Variants in SLC44A1 observed in about 807,000 individuals in gnomAD.
The protein encoded by SLC44A1 is choline transporter-like protein 1.
SLC44A1 carries 26 observed loss-of-function variants against 79.3 expected under a neutral mutation model. That is an observed-to-expected ratio of 0.33 (90% CI 0.24 to 0.46). The LOEUF (loss-of-function observed/expected upper bound fraction) is 0.46, where lower values mean the gene tolerates loss of function less well. SLC44A1 is among the 20% of genes least tolerant of loss of function. The probability of loss-of-function intolerance (pLI) is 1.00; values close to 1 mark genes in which losing one functional copy is unlikely to be tolerated. For missense variants in SLC44A1, 688 were observed against 798.1 expected, an observed-to-expected ratio of 0.86 and a Z score of 1.66; for synonymous variants, 263 against 286.2, an observed-to-expected ratio of 0.92 and a Z score of 0.82.
chr9:105,324,250 A>ATT lies in SLC44A1; in HGVS notation c.270-11297_270-11296dup, dbSNP rs35532819. On this transcript the variant is annotated intron_variant, in intron 3 of 15. Transcript: ENST00000374720. Reference sequence around the variant, plus strand: ...ACAGGCGTGATTCACCGTGCCCGGAATTTTTTTTTTTTTTTTTAAAGACAG... The same window carrying ATT: ...ACAGGCGTGATTCACCGTGCCCGGAATTTTTTTTTTTTTTTTTTTAAAGACAG... Among the ~76,000 whole-genome samples, 229 of 132,632 alleles carry ATT rather than the reference A, an allele frequency of 1.7e-3. 3 individuals carry two copies. The highest frequency in any genetic ancestry group is 1.8e-3 in the Non-Finnish European group (112 of 61,834). 87.0% of individuals were successfully genotyped at this position (132,632 alleles called of 152,430 possible). A position where few individuals can be genotyped will look rare whatever the true frequency, so the allele number is the denominator to read the frequency against.
At chr9:105,339,311 G>A (rs1827018751) in intron 4 of SLC44A1, among the ~76,000 whole-genome samples, 2 of 152,086 alleles carry the variant, frequency 1.3e-5, no homozygotes, top group African/African-American at 4.8e-5. Context: ...TGATGGGAAT[G>A]TAAAACAGTG....
Position 105,358,371 on chromosome 9 carries a change from T to G in SLC44A1, c.698T>G (p.Ile233Ser). The change falls in exon 7 of 16, where the codon ATC becomes AGC. Residue 233 changes from isoleucine (I) to serine (S), a missense_variant. By Grantham distance (142) the Ile-to-Ser change is moderately radical. Coordinates refer to ENST00000374720, the MANE Select transcript of SLC44A1 (RefSeq NM_080546.5). ...CTATCCATGATTTTGATGGTGATAA[T>G]CAGGTATATATCAAGAGTACTTGTG... is the stretch of plus-strand genomic sequence containing the variant. Reference protein sequence around the residue: ...LVLSMILMVIIRYISRVLVWI... With the variant: ...LVLSMILMVISRYISRVLVWI... 6.3e-7 allele frequency: 1 copy of G among 1,585,442 alleles called. No individual in the cohort carries two copies.
chr9:105,350,406 T>C (rs999106477), intron 5 of SLC44A1, among the ~76,000 whole-genome samples: 1 of 146,752 alleles, frequency 6.8e-6, no homozygotes, highest in African/African-American at 2.8e-5. Flanking sequence ...TTGTATTAGA[T>C]ACCAAGTCTC....
intron 1 of SLC44A1, among the ~76,000 whole-genome samples, chr9:105,276,116 T>C (rs929989307): frequency 7.9e-5 from 12 of 152,130 alleles, no homozygotes; most frequent in Non-Finnish European, 1.5e-4. Flanking sequence ...GGAAGAACAA[T>C]CTTAGAGTCA....
At chr9:105,282,548 AT>A (rs1016510358) in intron 1 of SLC44A1, among the ~76,000 whole-genome samples, 3 of 148,624 alleles carry the variant, frequency 2.0e-5, no homozygotes, top group African/African-American at 2.5e-5. Flanking sequence ...TTGGGTCTTG[AT>A]TTTTTTTTTC....
At chr9:105,320,292 C>CTTTTT (rs34573916) in intron 3 of SLC44A1, among the ~76,000 whole-genome samples, 3 of 119,086 alleles carry the variant, frequency 2.5e-5, no homozygotes, top group Non-Finnish European at 3.6e-5. Context: ...CAATATTTAA[C>CTTTTT]TTTTTTTTTT....
intron 4 of SLC44A1, 145 bp downstream of exon 4, chr9:105,335,844 C>A (rs903559453): frequency 2.5e-6 from 2 of 802,756 alleles, no homozygotes; most frequent in African/African-American, 1.8e-5. Context: ...ATATTATAGT[C>A]ACCCAGGGAG....
chr9:105,342,289 C>G (rs1827118007), intron 4 of SLC44A1, among the ~76,000 whole-genome samples: 1 of 152,162 alleles, frequency 6.6e-6, no homozygotes. Context: ...CTGCCCCATC[C>G]CACCCAGATA....
intron 3 of SLC44A1, among the ~76,000 whole-genome samples, chr9:105,320,343 T>C (rs964922114): frequency 2.0e-5 from 3 of 151,094 alleles, no homozygotes; most frequent in Admixed American, 1.3e-4. Flanking sequence ...CTTTAACAAT[T>C]TGTGTATGTA....
chr9:105,394,659 A>G lies in SLC44A1; in HGVS notation c.*5603A>G, dbSNP rs1828840573. 4 of 985,360 alleles carry G rather than the reference A, an allele frequency of 4.1e-6. No homozygotes were observed. The highest frequency in any genetic ancestry group is 3.6e-6 in the Non-Finnish European group (3 of 829,850). 61.0% of individuals were successfully genotyped at this position (985,360 alleles called of 1,614,324 possible). A position where few individuals can be genotyped will look rare whatever the true frequency, so the allele number is the denominator to read the frequency against. ...TATCAGTATACTACTGTCTTAAAAT[A>G]TATTTGTCAACATGTCCAGTTCCAA... On this transcript the variant is annotated 3_prime_UTR_variant, in exon 16 of 16. Transcript: ENST00000374720.
At chr9:105,249,821 C>T (rs1829541230) in intron 1 of SLC44A1, among the ~76,000 whole-genome samples, 1 of 151,606 alleles carries the variant, frequency 6.6e-6, no homozygotes, top group South Asian at 2.1e-4. Flanking sequence ...AGGCATGAGC[C>T]TCCATGCCCG....
At chr9:105,346,327 C>T (rs1241346144) in intron 4 of SLC44A1, among the ~76,000 whole-genome samples, 1 of 152,046 alleles carries the variant, frequency 6.6e-6, no homozygotes, top group East Asian at 1.9e-4. Context: ...TAAAATTGAA[C>T]TCCATTGCAC....
intron 12 of SLC44A1, among the ~76,000 whole-genome samples, chr9:105,368,766 G>A (rs1363128913): frequency 6.6e-6 from 1 of 152,046 alleles, no homozygotes; most frequent in South Asian, 2.1e-4. Flanking sequence ...GGTCAGGCAC[G>A]GTGGCTCACG....
intron 10 of SLC44A1, among the ~76,000 whole-genome samples, chr9:105,364,980 G>T (rs1827895597): frequency 1.3e-5 from 2 of 152,168 alleles, no homozygotes; most frequent in African/African-American, 4.8e-5. Context: ...TTTAGCAGAA[G>T]AATAAATCTT....
At chr9:105,430,761 C>T (rs1225733025) in intron 15 of SLC44A1, among the ~76,000 whole-genome samples, 1 of 152,120 alleles carries the variant, frequency 6.6e-6, no homozygotes, top group Non-Finnish European at 1.5e-5. Context: ...TGCGGACATA[C>T]GTTTTCAATT....
intron 15 of SLC44A1, among the ~76,000 whole-genome samples, chr9:105,405,248 G>T (rs1229029580): frequency 6.6e-6 from 1 of 151,920 alleles, no homozygotes; most frequent in African/African-American, 2.4e-5. Flanking sequence ...TTGAATCGGG[G>T]AGGCGGAGGT....
intron 1 of SLC44A1, among the ~76,000 whole-genome samples, chr9:105,283,616 A>T (rs1030016389): frequency 6.6e-6 from 1 of 152,236 alleles, no homozygotes; most frequent in Non-Finnish European, 1.5e-5. Flanking sequence ...ATTTTTTGTC[A>T]GTTTGGTAAG....
At chr9:105,289,324 G>A (rs1830549154) in intron 1 of SLC44A1, among the ~76,000 whole-genome samples, 1 of 152,224 alleles carries the variant, frequency 6.6e-6, no homozygotes, top group Non-Finnish European at 1.5e-5. Flanking sequence ...CCATTTAGGG[G>A]AAGCTTCTGT....
downstream of SLC44A1, among the ~76,000 whole-genome samples, chr9:105,401,102 A>G (rs1828952410): frequency 6.6e-6 from 1 of 152,338 alleles, no homozygotes; most frequent in South Asian, 2.1e-4. Flanking sequence ...ATTCTACAGA[A>G]GCTTGGAAAA....
Sources: allele counts gnomAD v4.1 joint callset (sites outside exome capture counted in the v4.1 genomes callset), GRCh38; gene constraint gnomAD v4.1.1; transcripts MANE v1.5; gene names NCBI Gene and HGNC (gene_info 2026-07-23, HGNC 2026-07-21).